ZMYND8: variants seen among roughly 807,000 people sequenced by gnomAD.
ZMYND8 encodes the protein MYND-type zinc finger-containing chromatin reader ZMYND8.
A neutral mutation model predicts 140.8 loss-of-function variants in ZMYND8; 37 were observed. That is an observed-to-expected ratio of 0.26 (90% CI 0.20 to 0.35). ZMYND8 has a LOEUF of 0.35. Ranked by LOEUF, ZMYND8 falls within the 10% of genes least tolerant of loss-of-function variation. The probability of loss-of-function intolerance (pLI) is 1.00; values close to 1 mark genes in which losing one functional copy is unlikely to be tolerated. For missense variants in ZMYND8, 1,068 were observed against 1,570.0 expected (o/e 0.68, Z 5.40); for synonymous variants, 592 against 597.1 (o/e 0.99, Z 0.12).
intron 1 of ZMYND8, among the ~76,000 whole-genome samples, chr20:47,350,832 T>G (rs2082720925): frequency 6.6e-6 from 1 of 152,184 alleles, no homozygotes; most frequent in African/African-American, 2.4e-5. Flanking sequence ...TTTTTTCCCT[T>G]TAAAGGTCTG....
In ZMYND8 at chr20:47,298,999, C is replaced by G. The variant is rs1268221189; in HGVS notation, c.235-52G>C. 1.3e-6 allele frequency: 2 copies of G among 1,560,416 alleles called. No individual in the cohort carries two copies. Among genetic ancestry groups the G allele is most frequent in the Admixed American group, 1.7e-5 (1 of 59,328 alleles). On this transcript the variant is annotated intron_variant, in intron 3 of 22. Transcript: ENST00000471951. The surrounding 1 kb of genome is among the most constrained non-coding windows in gnomAD (Gnocchi z 5.0). ...TGGTTTCAAAACAAATGTGCATTCT[C>G]AAAAGGAATTTGAACAAGTACATCA... is the stretch of plus-strand genomic sequence containing the variant.
intron 5 of ZMYND8, among the ~76,000 whole-genome samples, 199 bp downstream of exon 5, chr20:47,294,467 T>C (rs2077516457): frequency 6.6e-6 from 1 of 152,218 alleles, no homozygotes; most frequent in African/African-American, 2.4e-5. Flanking sequence ...TAAACTCCTC[T>C]GGGACATACA....
At chr20:47,255,641 T>C (rs13037018) in intron 12 of ZMYND8, among the ~76,000 whole-genome samples, 22,356 of 127,952 alleles carry the variant, frequency 0.17, 3,142 homozygotes, top group African/African-American at 0.35. Context: ...AGTATATATA[T>C]ACCATATACA....
At chr20:47,259,177 G>A (rs1037546038) in intron 12 of ZMYND8, among the ~76,000 whole-genome samples, 2 of 152,236 alleles carry the variant, frequency 1.3e-5, no homozygotes, top group African/African-American at 4.8e-5. Context: ...GTCACCGTGA[G>A]AACGCCTCCA....
At chr20:47,292,117 A>C (rs2077303931) in intron 5 of ZMYND8, among the ~76,000 whole-genome samples, 1 of 152,220 alleles carries the variant, frequency 6.6e-6, no homozygotes, top group Non-Finnish European at 1.5e-5. Context: ...CTTGGTTTTC[A>C]ATACACACTC....
chr20:47,347,747 G>C, intron 2 of ZMYND8, 109 bp downstream of exon 2: 1 of 1,047,576 alleles, frequency 9.5e-7, no homozygotes, highest in South Asian at 1.4e-5. Flanking sequence ...TCCAAGAAGA[G>C]TTACAACGTC....
chr20:47,264,225 C>T (rs6063091), intron 11 of ZMYND8, among the ~76,000 whole-genome samples: 80,003 of 152,162 alleles, frequency 0.53, 22,111 homozygotes, highest in African/African-American at 0.71. Context: ...TGTCAATTGG[C>T]GCCGAGCAAG....
At chr20:47,244,023 G>C (rs544443233) in intron 14 of ZMYND8, among the ~76,000 whole-genome samples, 2 of 152,254 alleles carry the variant, frequency 1.3e-5, no homozygotes, top group South Asian at 2.1e-4. Context: ...TTCCTCCACT[G>C]TACCTCTCAC....
intron 2 of ZMYND8, among the ~76,000 whole-genome samples, chr20:47,336,312 T>A (rs1409043793): frequency 6.6e-6 from 1 of 152,208 alleles, no homozygotes; most frequent in East Asian, 1.9e-4. Flanking sequence ...TCAGCAAGAA[T>A]GATACTGTTC....
intron 2 of ZMYND8, among the ~76,000 whole-genome samples, chr20:47,326,210 G>A (rs1047827882): frequency 2.6e-5 from 4 of 151,982 alleles, no homozygotes; most frequent in African/African-American, 7.2e-5. Flanking sequence ...CGCCTGCCTC[G>A]GCCTCCCAAA....
At chr20:47,304,638 G>GA (rs914207945) in intron 3 of ZMYND8, among the ~76,000 whole-genome samples, 5 of 152,146 alleles carry the variant, frequency 3.3e-5, no homozygotes, top group Non-Finnish European at 7.4e-5. Flanking sequence ...ATACCTGAGT[G>GA]AAAAAAACCA....
chr20:47,238,963 T>C lies in ZMYND8; in HGVS notation c.2460A>G (p.Lys820=), dbSNP rs376126311. The C allele has an allele frequency of 1.9e-5, 30 of 1,612,180 alleles. 2 individuals carry two copies. Among genetic ancestry groups the C allele is most frequent in the Middle Eastern group, 3.3e-4 (2 of 6,056 alleles). ...PAPAATGSPV[K]KQRPLLPKET... ...CCTTCGGTAAAAGCGGCCTCTGCTT[T>C]TTCACTGGGCTTCCTGTGGCGGCGG... Residue 820 remains lysine, a synonymous_variant, in exon 15 of 23, where the codon AAA becomes AAG. Transcript: ENST00000471951.
intron 12 of ZMYND8, among the ~76,000 whole-genome samples, chr20:47,249,855 G>C (rs570002113): frequency 6.6e-6 from 1 of 152,158 alleles, no homozygotes; most frequent in Non-Finnish European, 1.5e-5. Context: ...AGATTGAAGA[G>C]GACTTGTATC....
At chr20:47,335,051 G>A (rs2081286265) in intron 2 of ZMYND8, among the ~76,000 whole-genome samples, 1 of 152,146 alleles carries the variant, frequency 6.6e-6, no homozygotes, top group South Asian at 2.1e-4. Context: ...TTCAAGACCA[G>A]CCTGGGCAAC....
In ZMYND8 at chr20:47,246,049, T is replaced by A. The variant is rs1476001176; in HGVS notation, c.2243A>T (p.Lys748Ile). 6.2e-7 allele frequency: 1 copy of A among 1,606,936 alleles called. No individual in the cohort carries two copies. The highest frequency in any genetic ancestry group is 1.1e-5 in the South Asian group (1 of 89,472). ...GEDHSGREGR[K>I]NKKEPKEPSP... is the part of the protein sequence containing the mutation. ...TGGTTCTTTGGGTTCCTTCTTATTT[T>A]TTCGACCCTCCCGCCCAGAATGGTC... Residue 748 changes from lysine to isoleucine, a missense_variant, in exon 14 of 23, where the codon AAA becomes ATA. Physicochemically the swap from Lys to Ile is moderately radical, Grantham distance 102. This residue lies in a region of ZMYND8 where 383 missense variants were observed against 431.2 expected (regional missense o/e 0.89). Coordinates refer to ENST00000471951, the MANE Select transcript of ZMYND8 (RefSeq NM_001281775.3).
chr20:47,337,223 G>A (rs932174348), intron 2 of ZMYND8, among the ~76,000 whole-genome samples: 2 of 151,932 alleles, frequency 1.3e-5, no homozygotes, highest in Non-Finnish European at 2.9e-5. Context: ...GTGGTGGCAG[G>A]CGCCTGTAAC....
intron 2 of ZMYND8, among the ~76,000 whole-genome samples, chr20:47,337,442 G>A (rs1159590112): frequency 1.3e-5 from 2 of 152,194 alleles, no homozygotes; most frequent in Non-Finnish European, 2.9e-5. Flanking sequence ...CGAGGTAGGT[G>A]GATCCCTTGA....
intron 18 of ZMYND8, among the ~76,000 whole-genome samples, chr20:47,225,852 A>G (rs2037643871): frequency 6.6e-6 from 1 of 152,012 alleles, no homozygotes; most frequent in Non-Finnish European, 1.5e-5. Flanking sequence ...TGATTTTATT[A>G]GAAAAACAAG....
chr20:47,245,796 G>C (rs558451089), intron 14 of ZMYND8, among the ~76,000 whole-genome samples: 1 of 152,314 alleles, frequency 6.6e-6, no homozygotes, highest in East Asian at 1.9e-4. Context: ...GTTAAAGGTA[G>C]GCAGGCCCAT....
Sources: gnomAD v4.1 joint callset for allele counts (sites outside exome capture counted in the v4.1 genomes callset) on GRCh38, gnomAD v4.1.1 for gene constraint, gnomAD v4.1.1 regional missense constraint, Gnocchi (gnomAD v3.1) non-coding constraint, MANE v1.5 for transcripts, NCBI Gene and HGNC (gene_info 2026-07-23, HGNC 2026-07-21) for gene names.